Variants in PRELID2 observed in about 807,000 individuals in gnomAD.
PRELID2 encodes PRELI domain-containing protein 2.
Under a neutral mutation model 28.4 loss-of-function variants are expected in PRELID2, and 25 were observed. The ratio of observed to expected loss-of-function variants is 0.88; its 90% CI spans 0.64 to 1.23. The LOEUF (loss-of-function observed/expected upper bound fraction) is 1.23. PRELID2 is among the 50% of genes most tolerant of loss of function. PRELID2 has a pLI of 0.00. For missense variants in PRELID2, 201 were observed against 214.4 expected (o/e 0.94, Z 0.39); for synonymous variants, 76 against 71.6 (o/e 1.06, Z -0.31).
chr5:145,365,764 TAAC>T, the PRELID2 span, among the ~76,000 whole-genome samples: 2 of 151,914 alleles, frequency 1.3e-5, no homozygotes, highest in African/African-American at 4.8e-5. Context: ...GTTTGGGTCT[TAAC>T]AAGACTGTAG....
chr5:145,823,854 T>C (rs1754994112), intron 1 of PRELID2, among the ~76,000 whole-genome samples: 2 of 152,252 alleles, frequency 1.3e-5, no homozygotes, highest in Admixed American at 6.5e-5. Context: ...TTAAATACTT[T>C]AGATACATTA....
the PRELID2 span, among the ~76,000 whole-genome samples, chr5:145,283,104 G>A: frequency 2.4e-3 from 358 of 152,124 alleles, 2 homozygotes; most frequent in African/African-American, 8.2e-3. Flanking sequence ...CATTTCAGCC[G>A]CCCCTAGAAT....
the PRELID2 span, among the ~76,000 whole-genome samples, chr5:145,334,416 T>C: frequency 6.6e-6 from 1 of 152,234 alleles, no homozygotes; most frequent in South Asian, 2.1e-4. Context: ...ATATTGTGTG[T>C]CATGTAATAT....
chr5:145,711,860 T>C (rs1755705178), intron 1 of PRELID2, among the ~76,000 whole-genome samples: 1 of 152,152 alleles, frequency 6.6e-6, no homozygotes, highest in South Asian at 2.1e-4. Context: ...GGGGCAGGAC[T>C]GAAGACCAAG....
At chr5:145,398,187 C>A in the PRELID2 span, among the ~76,000 whole-genome samples, 1 of 152,036 alleles carries the variant, frequency 6.6e-6, no homozygotes, top group East Asian at 1.9e-4. Flanking sequence ...CCTGGGATCC[C>A]TCAGGGAACA....
intron 1 of PRELID2, among the ~76,000 whole-genome samples, chr5:145,740,972 A>C (rs1233965594): frequency 2.6e-5 from 3 of 114,308 alleles, no homozygotes; most frequent in Admixed American, 1.1e-4. Context: ...AGTATATATT[A>C]TATATTTGTG....
At chr5:145,819,842 G>C (rs867135959) in intron 3 of PRELID2, 103 bp downstream of exon 3, 1 of 794,282 alleles carries the variant, frequency 1.3e-6, no homozygotes, top group African/African-American at 1.8e-5. Context: ...AAAGGAGTAG[G>C]AAGTTTCTAA....
chr5:145,688,718 A>AG (rs1168024385), intron 1 of PRELID2, among the ~76,000 whole-genome samples: 3 of 152,260 alleles, frequency 2.0e-5, no homozygotes, highest in Non-Finnish European at 2.9e-5. Context: ...GAAGAACTTA[A>AG]GGAAGACCCA....
At chr5:145,445,205 A>G in the PRELID2 span, among the ~76,000 whole-genome samples, 5 of 152,130 alleles carry the variant, frequency 3.3e-5, no homozygotes, top group Admixed American at 6.6e-5. Context: ...GGAACAAAAT[A>G]GAGAACCCAG....
At chr5:145,486,438 T>A (rs1752217852) in intron 1 of PRELID2, among the ~76,000 whole-genome samples, 1 of 152,196 alleles carries the variant, frequency 6.6e-6, no homozygotes, top group Non-Finnish European at 1.5e-5. Flanking sequence ...AGAAACACTT[T>A]TTCAATGTAA....
chr5:145,636,019 G>C (rs1753995288), intron 1 of PRELID2, among the ~76,000 whole-genome samples: 1 of 152,196 alleles, frequency 6.6e-6, no homozygotes, highest in Non-Finnish European at 1.5e-5. Flanking sequence ...GAGTGGGAGG[G>C]AAGACCATTG....
chr5:145,343,214 G>T, the PRELID2 span, among the ~76,000 whole-genome samples: 1 of 151,922 alleles, frequency 6.6e-6, no homozygotes, highest in African/African-American at 2.4e-5. Flanking sequence ...TGACTGCAGA[G>T]TATATATTCT....
At chr5:145,310,632 G>A in the PRELID2 span, among the ~76,000 whole-genome samples, 1 of 152,158 alleles carries the variant, frequency 6.6e-6, no homozygotes, top group Non-Finnish European at 1.5e-5. Context: ...GGCTCCATCA[G>A]TTGGGTTACT....
chr5:145,327,899 C>T, the PRELID2 span, among the ~76,000 whole-genome samples: 6 of 152,178 alleles, frequency 3.9e-5, no homozygotes, highest in East Asian at 1.2e-3. Context: ...TTGTCATCTA[C>T]ATTAGGTATT....
chr5:145,229,182 G>A, the PRELID2 span: 59 of 893,520 alleles, frequency 6.6e-5, no homozygotes, highest in Non-Finnish European at 9.4e-5. Flanking sequence ...AAAGGGGAAC[G>A]ATCAGGTCCA....
chr5:145,397,918 C>T, the PRELID2 span, among the ~76,000 whole-genome samples: 13 of 152,246 alleles, frequency 8.5e-5, no homozygotes, highest in South Asian at 2.3e-3. Context: ...AAGGATACAT[C>T]ATGCCTGATC....
intron 5 of PRELID2, among the ~76,000 whole-genome samples, chr5:145,769,700 C>T (rs6868309): frequency 0.15 from 23,360 of 152,100 alleles, 4,640 homozygotes; most frequent in African/African-American, 0.46. Flanking sequence ...CTGGAAATAA[C>T]GCTTTCTTGT....
chr5:145,607,139 C>A (rs539534944), intron 1 of PRELID2, among the ~76,000 whole-genome samples: 6 of 151,966 alleles, frequency 3.9e-5, no homozygotes, highest in Admixed American at 1.3e-4. Flanking sequence ...CTCTTTTTTA[C>A]TTTATTAGAC....
chr5:145,434,401 A>G, the PRELID2 span, among the ~76,000 whole-genome samples: 4 of 152,186 alleles, frequency 2.6e-5, no homozygotes, highest in Non-Finnish European at 2.9e-5. Context: ...AGGCTTCAAA[A>G]AACTGGATAA....
Sources: allele counts gnomAD v4.1 joint callset (sites outside exome capture counted in the v4.1 genomes callset), GRCh38; gene constraint gnomAD v4.1.1; transcripts MANE v1.5; gene names NCBI Gene and HGNC (gene_info 2026-07-23, HGNC 2026-07-21).